Variants in TNKS observed in about 807,000 individuals in gnomAD.
The protein encoded by TNKS is poly [ADP-ribose] polymerase tankyrase-1.
Under a neutral mutation model 135.8 loss-of-function variants are expected in TNKS, and 72 were observed. The ratio of observed to expected loss-of-function variants is 0.53; its 90% CI spans 0.44 to 0.64. The LOEUF (loss-of-function observed/expected upper bound fraction) is 0.64. Ranked by LOEUF, TNKS falls within the 30% of genes least tolerant of loss-of-function variation. The probability of loss-of-function intolerance (pLI) is 0.00; values close to 1 mark genes in which losing one functional copy is unlikely to be tolerated. For synonymous variants in TNKS, 849 were observed against 649.3 expected (o/e 1.31, Z -4.68); for missense variants, 1,769 against 1,674.0 (o/e 1.06, Z -0.99).
intron 1 of TNKS, among the ~76,000 whole-genome samples, chr8:9,570,364 G>C (rs1026065601): frequency 2.0e-5 from 3 of 152,012 alleles, no homozygotes; most frequent in African/African-American, 7.3e-5. Flanking sequence ...GGCCAAAAAA[G>C]ATCCCTGAGC....
intron 13 of TNKS, among the ~76,000 whole-genome samples, chr8:9,727,226 C>G (rs754970554): frequency 1.3e-5 from 2 of 152,138 alleles, no homozygotes; most frequent in Non-Finnish European, 2.9e-5. Flanking sequence ...TAGATTTTTT[C>G]CCTGTGTAGC....
At chr8:9,743,013 G>T (rs780962463) in intron 17 of TNKS, among the ~76,000 whole-genome samples, 32 of 151,914 alleles carry the variant, frequency 2.1e-4, no homozygotes, top group Non-Finnish European at 4.3e-4. Flanking sequence ...GCCTTGGCTG[G>T]ATATTTTAAT....
intron 11 of TNKS, among the ~76,000 whole-genome samples, chr8:9,716,041 A>C (rs1200472188): frequency 6.6e-6 from 1 of 152,222 alleles, no homozygotes; most frequent in Admixed American, 6.5e-5. Flanking sequence ...TATATAAAGC[A>C]TAGCTATTTT....
chr8:9,745,895 A>G (rs999574350), intron 17 of TNKS, among the ~76,000 whole-genome samples: 2 of 152,232 alleles, frequency 1.3e-5, no homozygotes, highest in Non-Finnish European at 2.9e-5. Context: ...TACCTCAGAA[A>G]AAGTGCCTGT....
chr8:9,710,330 C>T (rs1804262187), intron 11 of TNKS, 110 bp downstream of exon 11: 1 of 966,998 alleles, frequency 1.0e-6, no homozygotes, highest in African/African-American at 1.6e-5. Context: ...TTATAAAGGA[C>T]TATTAGTTCG....
chr8:9,724,657 A>G (rs1805073455), intron 12 of TNKS, among the ~76,000 whole-genome samples: 1 of 152,196 alleles, frequency 6.6e-6, no homozygotes, highest in African/African-American at 2.4e-5. Context: ...AAACAAGTCT[A>G]TCCTAGGCCT....
At chr8:9,688,169 A>G (rs1803098827) in intron 5 of TNKS, among the ~76,000 whole-genome samples, 1 of 152,224 alleles carries the variant, frequency 6.6e-6, no homozygotes. Flanking sequence ...TATCTCTGTA[A>G]TGATTATGAT....
chr8:9,702,161 G>A (rs1803832394), intron 5 of TNKS, among the ~76,000 whole-genome samples: 2 of 152,162 alleles, frequency 1.3e-5, no homozygotes, highest in South Asian at 4.1e-4. Context: ...AGTCCCTAGT[G>A]GGAATAATTC....
chr8:9,685,115 G>A (rs1271682016), intron 5 of TNKS, among the ~76,000 whole-genome samples: 2 of 152,232 alleles, frequency 1.3e-5, no homozygotes, highest in Non-Finnish European at 1.5e-5. Flanking sequence ...CTTCCAAATA[G>A]TTAATAATGA....
At chr8:9,599,614 C>T (rs534384826) in intron 2 of TNKS, among the ~76,000 whole-genome samples, 1 of 152,142 alleles carries the variant, frequency 6.6e-6, no homozygotes, top group South Asian at 2.1e-4. Context: ...CAGTATCTGC[C>T]TTATCTTGTA....
chr8:9,639,488 G>C (rs376873267), intron 3 of TNKS, among the ~76,000 whole-genome samples: 8 of 144,960 alleles, frequency 5.5e-5, no homozygotes, highest in African/African-American at 1.8e-4. Context: ...AGATAATTTT[G>C]TTTTCACTAT....
chr8:9,682,323 G>A (rs117856961), intron 5 of TNKS, among the ~76,000 whole-genome samples: 57 of 152,092 alleles, frequency 3.7e-4, no homozygotes, highest in Non-Finnish European at 6.5e-4. Flanking sequence ...TCACAGCCTC[G>A]TTTTCCCTTC....
In TNKS at chr8:9,770,327, G is replaced by A. The variant is rs181030224; in HGVS notation, c.3897+65G>A. ...CATGTCAATAGAGCACAGAGACCGT[G>A]TAAGACTTGAGACACTTTTCAGTGA... On this transcript the variant is annotated intron_variant, in intron 26 of 26. Coordinates refer to ENST00000310430, the MANE Select transcript of TNKS (RefSeq NM_003747.3). 93 of 1,499,292 alleles carry A rather than the reference G, an allele frequency of 6.2e-5. No homozygotes were observed. In the East Asian group the frequency reaches 1.9e-3, roughly 31 times the overall value. 92.9% of individuals were successfully genotyped at this position (1,499,292 alleles called of 1,614,324 possible).
intron 3 of TNKS, among the ~76,000 whole-genome samples, chr8:9,622,991 C>T (rs1415279171): frequency 6.6e-6 from 1 of 152,096 alleles, no homozygotes; most frequent in East Asian, 1.9e-4. Flanking sequence ...AGATTAACAA[C>T]CATACCAATA....
intron 1 of TNKS, chr8:9,557,266 T>C (rs959430120): frequency 2.6e-5 from 4 of 152,220 alleles, no homozygotes; most frequent in Non-Finnish European, 4.4e-5. Flanking sequence ...ATTTACCTCG[T>C]GTCAGTTGCC....
At position 9,780,717 on chromosome 8, in the gene TNKS, G is replaced by C. The variant is rs772768917; in HGVS notation, c.*3981G>C. The stretch of plus-strand genomic sequence containing the variant: ...TAAAACATTGTAGTCCCATTTCTTA[G>C]TGTTTGAAAGGTGTGTCAGTGAGTC... On this transcript the variant is annotated 3_prime_UTR_variant, in exon 27 of 27. Coordinates refer to ENST00000310430, the MANE Select transcript of TNKS (RefSeq NM_003747.3). 1 of 152,096 alleles carries C rather than the reference G, an allele frequency of 6.6e-6. No homozygotes were observed. Among genetic ancestry groups the C allele is most frequent in the Non-Finnish European group, 1.5e-5 (1 of 68,018 alleles). The allele number at this position is 152,096 out of a possible 1,614,324, so 9.4% of individuals were successfully genotyped here.
At chr8:9,587,180 A>G (rs867703384) in intron 2 of TNKS, among the ~76,000 whole-genome samples, 6 of 152,086 alleles carry the variant, frequency 3.9e-5, no homozygotes, top group African/African-American at 1.2e-4. Context: ...GGTGGACCCA[A>G]AGTAATCACC....
At chr8:9,561,977 C>T (rs1161760663) in intron 1 of TNKS, among the ~76,000 whole-genome samples, 4 of 152,010 alleles carry the variant, frequency 2.6e-5, no homozygotes, top group African/African-American at 9.7e-5. Flanking sequence ...CCACCACGCC[C>T]AGCTAATTTT....
chr8:9,704,544 G>A, intron 5 of TNKS, 119 bp from the exon 6 acceptor site: 1 of 749,530 alleles, frequency 1.3e-6, no homozygotes, highest in Non-Finnish European at 2.2e-6. Flanking sequence ...GTGAATTTTT[G>A]ACATTTCAGC....
Sources: gnomAD v4.1 joint callset for allele counts (sites outside exome capture counted in the v4.1 genomes callset) on GRCh38, gnomAD v4.1.1 for gene constraint, MANE v1.5 for transcripts, NCBI Gene and HGNC (gene_info 2026-07-23, HGNC 2026-07-21) for gene names.